The following MACROD2 variants were observed in gnomAD, a reference collection of about 807,000 sequenced individuals.
MACROD2 encodes ADP-ribose glycohydrolase MACROD2.
Under a neutral mutation model 70.4 loss-of-function variants are expected in MACROD2, and 36 were observed. The observed-to-expected ratio is 0.51, with a 90% CI of 0.39 to 0.68. The LOEUF (loss-of-function observed/expected upper bound fraction) is 0.68. Among genes scored for constraint, MACROD2 ranks in the 30% least tolerant of loss-of-function variants. The probability of loss-of-function intolerance (pLI) is 0.00; values close to 1 mark genes in which losing one functional copy is unlikely to be tolerated. For missense variants in MACROD2, 496 were observed against 538.4 expected (o/e 0.92, Z 0.78); for synonymous variants, 172 against 178.8 (o/e 0.96, Z 0.30).
At chr20:15,718,063 C>G (rs1410564697) in intron 8 of MACROD2, among the ~76,000 whole-genome samples, 2 of 150,748 alleles carry the variant, frequency 1.3e-5, no homozygotes, top group Non-Finnish European at 2.9e-5. Flanking sequence ...CTCTGTCGCC[C>G]AGGCTGGAGT....
At chr20:14,449,635 A>T (rs1457806302) in intron 3 of MACROD2, among the ~76,000 whole-genome samples, 1 of 152,170 alleles carries the variant, frequency 6.6e-6, no homozygotes, top group African/African-American at 2.4e-5. Context: ...AGGACTACAA[A>T]ATAATAGGTA....
At position 14,515,463 on chromosome 20, in the gene MACROD2, A is replaced by ACACACACACACGCG. The variant is rs34190778; in HGVS notation, c.301+21956_301+21957insACACACACACGCGC. On this transcript the variant is annotated intron_variant, in intron 4 of 17. Transcript: ENST00000684519. ...TAAAGAATATGTGAGATACACACAC[A>ACACACACACACGCG]CGCACACACACACACACACACACAC... Among the ~76,000 whole-genome samples, 894 of 138,890 alleles carry ACACACACACACGCG rather than the reference A, an allele frequency of 6.4e-3. 17 individuals are homozygous for ACACACACACACGCG. Among genetic ancestry groups the ACACACACACACGCG allele is most frequent in the African/African-American group, 0.022 (777 of 35,016 alleles). The allele number at this position is 138,890 out of a possible 152,430, so 91.1% of individuals were successfully genotyped here.
chr20:14,100,599 TAAA>T (rs971508923), intron 3 of MACROD2, among the ~76,000 whole-genome samples: 1 of 144,918 alleles, frequency 6.9e-6, no homozygotes, highest in African/African-American at 2.5e-5. Context: ...TTAGAGACTT[TAAA>T]TATTATATAT....
intron 3 of MACROD2, among the ~76,000 whole-genome samples, chr20:14,165,198 A>G (rs1324307767): frequency 6.6e-6 from 1 of 152,136 alleles, no homozygotes; most frequent in African/African-American, 2.4e-5. Context: ...TCTCTGGAGC[A>G]ATACTATTGC....
At chr20:14,476,388 C>T (rs1036706990) in intron 3 of MACROD2, among the ~76,000 whole-genome samples, 1 of 152,158 alleles carries the variant, frequency 6.6e-6, no homozygotes, top group African/African-American at 2.4e-5. Flanking sequence ...CAAAGTCTCC[C>T]TCTGTCACCC....
At chr20:15,294,717 G>A (rs1472844337) in intron 6 of MACROD2, among the ~76,000 whole-genome samples, 1 of 152,152 alleles carries the variant, frequency 6.6e-6, no homozygotes, top group Non-Finnish European at 1.5e-5. Context: ...GCAGCTATGT[G>A]CCCAGATGTA....
chr20:14,707,502 G>T (rs567267005), intron 5 of MACROD2, among the ~76,000 whole-genome samples: 10 of 152,214 alleles, frequency 6.6e-5, no homozygotes, highest in African/African-American at 2.2e-4. Flanking sequence ...ATCCATTGCT[G>T]TCTTAATTTC....
chr20:16,025,288 A>G (rs1338020798), intron 15 of MACROD2, among the ~76,000 whole-genome samples: 1 of 152,206 alleles, frequency 6.6e-6, no homozygotes, highest in Admixed American at 6.5e-5. Flanking sequence ...GAATGAAGTC[A>G]GCTTGACAAC....
chr20:14,184,946 A>T (rs2081333178), intron 3 of MACROD2, among the ~76,000 whole-genome samples: 1 of 152,102 alleles, frequency 6.6e-6, no homozygotes, highest in Admixed American at 6.6e-5. Context: ...GGGTTTTCCT[A>T]GAATATATCT....
At chr20:15,460,811 G>A (rs1237684808) in intron 7 of MACROD2, among the ~76,000 whole-genome samples, 1 of 151,710 alleles carries the variant, frequency 6.6e-6, no homozygotes, top group Non-Finnish European at 1.5e-5. Context: ...AGACATTTGT[G>A]TATGATTGGT....
intron 6 of MACROD2, among the ~76,000 whole-genome samples, chr20:15,315,288 A>C (rs2077796954): frequency 6.6e-6 from 1 of 152,228 alleles, no homozygotes; most frequent in South Asian, 2.1e-4. Context: ...AGCCAAAGAA[A>C]TAATGGCCAA....
chr20:15,996,909 C>A (rs767645886), intron 15 of MACROD2, among the ~76,000 whole-genome samples: 9 of 152,022 alleles, frequency 5.9e-5, no homozygotes, highest in Non-Finnish European at 1.0e-4. Context: ...TAATTTTATT[C>A]TTTTCTATGT....
chr20:14,429,752 G>C (rs1444707553), intron 3 of MACROD2, among the ~76,000 whole-genome samples: 4 of 152,138 alleles, frequency 2.6e-5, no homozygotes, highest in African/African-American at 7.2e-5. Flanking sequence ...ATGGAGAGGA[G>C]TTAACACCCT....
chr20:14,743,501 G>T (rs2071760819), intron 5 of MACROD2, among the ~76,000 whole-genome samples: 1 of 152,148 alleles, frequency 6.6e-6, no homozygotes, highest in Non-Finnish European at 1.5e-5. Context: ...ACAAGTCAAG[G>T]ATTATGGGCA....
intron 12 of MACROD2, among the ~76,000 whole-genome samples, chr20:15,959,142 T>TTAATTTAATC (rs1200483189): frequency 1.3e-5 from 2 of 152,212 alleles, no homozygotes; most frequent in African/African-American, 2.4e-5. Flanking sequence ...AATAACACTT[T>TTAATTTAATC]TAATTTAATC....
chr20:15,956,354 C>G (rs1444368969), intron 12 of MACROD2, among the ~76,000 whole-genome samples: 1 of 152,136 alleles, frequency 6.6e-6, no homozygotes, highest in Non-Finnish European at 1.5e-5. Context: ...AGATTTTTAA[C>G]AGTAAGACCC....
chr20:14,999,166 C>T (rs991013432), intron 5 of MACROD2, among the ~76,000 whole-genome samples: 2 of 152,100 alleles, frequency 1.3e-5, no homozygotes, highest in African/African-American at 4.8e-5. Context: ...GATAAAAGGA[C>T]ATTAATAAGC....
At chr20:15,770,100 T>C (rs941256262) in intron 8 of MACROD2, among the ~76,000 whole-genome samples, 1 of 98,366 alleles carries the variant, frequency 1.0e-5, no homozygotes, top group Non-Finnish European at 2.4e-5. Context: ...TTTTTTTTTT[T>C]TTTTTTTTTT....
intron 8 of MACROD2, among the ~76,000 whole-genome samples, chr20:15,621,638 T>C (rs149900335): frequency 1.4e-4 from 21 of 152,312 alleles, no homozygotes; most frequent in Admixed American, 1.2e-3. Context: ...TAAATGCAAG[T>C]TCTGGTCCTT....
Sources: gnomAD v4.1 joint callset for allele counts (sites outside exome capture counted in the v4.1 genomes callset) on GRCh38, gnomAD v4.1.1 for gene constraint, MANE v1.5 for transcripts, NCBI Gene and HGNC (gene_info 2026-07-23, HGNC 2026-07-21) for gene names.